Variants in P3H2 observed in about 807,000 individuals in gnomAD.
The protein encoded by P3H2 is leprecan-like 1.
P3H2 carries 80 observed loss-of-function variants against 87.0 expected under a neutral mutation model. That is an observed-to-expected ratio of 0.92 (90% CI 0.77 to 1.11). P3H2 has a LOEUF of 1.11. P3H2 is among the 50% of genes least tolerant of loss of function. The pLI is 0.00. For missense variants in P3H2, 1,001 were observed against 923.9 expected, an observed-to-expected ratio of 1.08 and a Z score of -1.08; for synonymous variants, 367 against 359.3, an observed-to-expected ratio of 1.02 and a Z score of -0.24.
intron 1 of P3H2, among the ~76,000 whole-genome samples, chr3:190,005,431 T>G (rs915353087): frequency 2.6e-5 from 4 of 152,242 alleles, no homozygotes; most frequent in African/African-American, 9.6e-5. Flanking sequence ...GAAAATAGCT[T>G]GGCAAATTTG....
intron 1 of P3H2, among the ~76,000 whole-genome samples, chr3:190,038,993 C>T (rs1408795069): frequency 6.6e-6 from 1 of 152,098 alleles, no homozygotes; most frequent in Non-Finnish European, 1.5e-5. Flanking sequence ...AGTTCAAGAC[C>T]AGCCTGACCA....
chr3:190,091,161 T>C (rs1577319110), intron 1 of P3H2, among the ~76,000 whole-genome samples: 1 of 152,350 alleles, frequency 6.6e-6, no homozygotes, highest in East Asian at 1.9e-4. Flanking sequence ...AGCCAAGTAA[T>C]CCAAAAATTA....
chr3:190,036,945 A>AT (rs1553877425), intron 1 of P3H2, among the ~76,000 whole-genome samples: 5 of 150,516 alleles, frequency 3.3e-5, no homozygotes, highest in East Asian at 3.9e-4. Context: ...GAAAGATAAA[A>AT]ATATATATAT....
intron 1 of P3H2, among the ~76,000 whole-genome samples, chr3:190,005,439 T>G (rs1465534347): frequency 1.3e-5 from 2 of 152,220 alleles, no homozygotes; most frequent in African/African-American, 4.8e-5. Context: ...CTTGGCAAAT[T>G]TGATTATTTG....
At chr3:189,986,670 G>A (rs1400362769) in intron 6 of P3H2, 118 bp downstream of exon 6, 12 of 752,054 alleles carry the variant, frequency 1.6e-5, no homozygotes, top group Non-Finnish European at 2.9e-5. Flanking sequence ...TTACCTCAAG[G>A]AGGGCATCGA....
chr3:190,035,819 C>T (rs1666484), intron 1 of P3H2, among the ~76,000 whole-genome samples: 122,396 of 152,034 alleles, frequency 0.81, 49,317 homozygotes, highest in East Asian at 0.86. Context: ...GATCTTATAC[C>T]GGAATGTCTT....
chr3:189,957,931 T>C lies in P3H2; in HGVS notation c.2108A>G (p.Asn703Ser). The C allele has an allele frequency of 6.2e-7, 1 of 1,608,696 alleles. No individual in the cohort carries two copies. The highest frequency in any genetic ancestry group is 8.5e-7 in the Non-Finnish European group (1 of 1,175,002). Residue 703 changes from asparagine (N) to serine (S), a missense_variant, in exon 15 of 15, where the codon AAC becomes AGC. Asn to Ser is a conservative substitution (Grantham distance 46, BLOSUM62 1). Transcript: ENST00000319332. ...EQQGKHELNINPKDEL is the reference protein window; with the variant it reads ...EQQGKHELNISPKDEL ...TCATTTTTATAGCTCATCTTTAGGGTTGATATTCAGTTCATGCTTCCCTTG... is the reference window on the plus strand; with the variant it reads ...TCATTTTTATAGCTCATCTTTAGGGCTGATATTCAGTTCATGCTTCCCTTG...
intron 1 of P3H2, among the ~76,000 whole-genome samples, chr3:190,056,597 T>C (rs768913772): frequency 1.6e-4 from 25 of 152,348 alleles, no homozygotes; most frequent in Admixed American, 1.2e-3. Flanking sequence ...GAAGTCGTGA[T>C]GATAATCTGG....
intron 1 of P3H2, among the ~76,000 whole-genome samples, chr3:190,100,339 C>T (rs1711577186): frequency 6.9e-6 from 1 of 144,610 alleles, no homozygotes; most frequent in Non-Finnish European, 1.5e-5. Flanking sequence ...TTTATATTAC[C>T]TAAGCTTATT....
chr3:189,958,031 C>G (rs369005779), intron 14 of P3H2, 27 bp from the exon 15 acceptor site: 1 of 1,524,376 alleles, frequency 6.6e-7, no homozygotes, highest in Non-Finnish European at 9.1e-7. Flanking sequence ...TTACACATTT[C>G]TGTTACAAGC....
rs548145331 is a variant in P3H2 at position 190,120,573 on chromosome 3, G to C, written c.159C>G (p.Ala53=). 6.5e-7 allele frequency: 1 copy of C among 1,540,016 alleles called. No homozygotes were observed. The highest frequency in any genetic ancestry group is 1.4e-5 in the African/African-American group (1 of 70,616). ...PFDLLYASGA[A]AYYSGDYERA... is the part of the protein sequence containing the mutation. ...GCTCGTAGTCTCCGCTGTAGTAGGCGGCCGCGCCGCTGGCGTAGAGCAGGT... is the reference window on the plus strand; with the variant it reads ...GCTCGTAGTCTCCGCTGTAGTAGGCCGCCGCGCCGCTGGCGTAGAGCAGGT... The change falls in exon 1 of 15, where the codon GCC becomes GCG. Residue 53 remains alanine (A), a synonymous_variant. Coordinates refer to ENST00000319332, the MANE Select transcript of P3H2 (RefSeq NM_018192.4).
intron 1 of P3H2, among the ~76,000 whole-genome samples, chr3:190,100,670 C>T (rs927305148): frequency 6.6e-6 from 1 of 152,078 alleles, no homozygotes; most frequent in Admixed American, 6.5e-5. Flanking sequence ...ATACAGTTTC[C>T]AAAATGTTCC....
intron 1 of P3H2, among the ~76,000 whole-genome samples, chr3:190,009,131 T>C (rs1300270991): frequency 6.6e-6 from 1 of 152,090 alleles, no homozygotes; most frequent in Non-Finnish European, 1.5e-5. Flanking sequence ...TCATCTATAT[T>C]TGAGAGTTAG....
chr3:189,972,759 A>C, intron 11 of P3H2, 115 bp downstream of exon 11: 1 of 1,167,896 alleles, frequency 8.6e-7, no homozygotes, highest in Admixed American at 1.8e-5. Flanking sequence ...TTTGTTTTGG[A>C]AATCTAGAAT....
At chr3:190,098,763 C>G (rs1031578882) in intron 1 of P3H2, among the ~76,000 whole-genome samples, 1 of 152,138 alleles carries the variant, frequency 6.6e-6, no homozygotes, top group African/African-American at 2.4e-5. Flanking sequence ...TCAGACTTAA[C>G]AATGATTTGA....
chr3:190,041,352 T>C (rs1328136450), intron 1 of P3H2, among the ~76,000 whole-genome samples: 1 of 151,634 alleles, frequency 6.6e-6, no homozygotes, highest in Non-Finnish European at 1.5e-5. Context: ...ATACCCTGTT[T>C]CTTTTTAGCA....
At chr3:189,998,195 G>C (rs1195863729) in intron 1 of P3H2, among the ~76,000 whole-genome samples, 2 of 152,212 alleles carry the variant, frequency 1.3e-5, no homozygotes, top group Non-Finnish European at 2.9e-5. Context: ...TAAGAGGATA[G>C]AGTAGGTGCT....
chr3:189,956,991 C>T lies in P3H2; in HGVS notation c.*921G>A, dbSNP rs924380691. ...GGGTGAAAAGCCATTCTACTACAAC[C>T]TCTACATGACCTTTTAAAGTGTACA... On this transcript the variant is annotated 3_prime_UTR_variant, in exon 15 of 15. Transcript: ENST00000319332. The T allele has an allele frequency of 5.0e-6, 2 of 397,386 alleles. No homozygotes were observed. Among genetic ancestry groups the T allele is most frequent in the African/African-American group, 2.1e-5 (1 of 48,616 alleles). The allele number at this position is 397,386 out of a possible 1,614,324, so 24.6% of individuals were successfully genotyped here. A position where few individuals can be genotyped will look rare whatever the true frequency, so the allele number is the denominator to read the frequency against.
At chr3:190,057,061 G>C in intron 1 of P3H2, among the ~76,000 whole-genome samples, 1 of 152,150 alleles carries the variant, frequency 6.6e-6, no homozygotes, top group African/African-American at 2.4e-5. Flanking sequence ...AGGGGAAGTG[G>C]GGAACTGGAG....
Sources: gnomAD v4.1 joint callset for allele counts (sites outside exome capture counted in the v4.1 genomes callset) on GRCh38, gnomAD v4.1.1 for gene constraint, MANE v1.5 for transcripts, NCBI Gene and HGNC (gene_info 2026-07-23, HGNC 2026-07-21) for gene names.